Variants in ODAD2 observed in about 807,000 individuals in gnomAD.
The protein encoded by ODAD2 is outer dynein arm-docking complex subunit 2.
Under a neutral mutation model 106.8 loss-of-function variants are expected in ODAD2, and 89 were observed. That is an observed-to-expected ratio of 0.83 (90% CI 0.70 to 0.99). ODAD2 has a LOEUF of 0.99. Among genes scored for constraint, ODAD2 ranks in the 50% least tolerant of loss-of-function variants. The probability of loss-of-function intolerance (pLI) is 0.00; values close to 1 mark genes in which losing one functional copy is unlikely to be tolerated. For synonymous variants in ODAD2, 404 were observed against 436.2 expected, an observed-to-expected ratio of 0.93 and a Z score of 0.92; for missense variants, 1,168 against 1,238.5, an observed-to-expected ratio of 0.94 and a Z score of 0.85.
At chr10:27,954,766 G>A (rs73606018) in intron 10 of ODAD2, among the ~76,000 whole-genome samples, 2,874 of 152,254 alleles carry the variant, frequency 0.019, 97 homozygotes, top group African/African-American at 0.066. Context: ...TGGGAAAGAC[G>A]GAGAGGAGCC....
intron 10 of ODAD2, 25 bp downstream of exon 10, chr10:27,961,543 A>G: frequency 6.3e-7 from 1 of 1,583,602 alleles, no homozygotes; most frequent in South Asian, 1.2e-5. Context: ...AACATTGCAA[A>G]CATACTACCA....
chr10:27,907,873 G>A, intron 16 of ODAD2, 96 bp from the exon 17 acceptor site: 2 of 851,450 alleles, frequency 2.3e-6, no homozygotes, highest in African/African-American at 3.5e-5. Context: ...TTCTCCTTTT[G>A]ATATTTTGCT....
intron 10 of ODAD2, among the ~76,000 whole-genome samples, chr10:27,956,298 C>T (rs1847728671): frequency 1.3e-5 from 2 of 152,212 alleles, no homozygotes; most frequent in South Asian, 2.1e-4. Flanking sequence ...CATCCCTTTC[C>T]CCACTCTCCC....
In ODAD2 at chr10:27,875,580, C is replaced by T. The variant is rs546745666; in HGVS notation, c.2611-12958G>A. ...TTAGTTTTGGTGGTTCCAAGATGGC[C>T]GAATAGGAACAGCTCCAGTCTACAG... On this transcript the variant is annotated intron_variant, in intron 17 of 19. Coordinates refer to ENST00000305242, the MANE Select transcript of ODAD2 (RefSeq NM_018076.5). Among the ~76,000 whole-genome samples, 6 of 152,144 alleles carry T rather than the reference C, an allele frequency of 3.9e-5. No homozygotes were observed. The East Asian group carries it at 9.7e-4, about 25-fold the overall frequency.
chr10:27,958,962 G>A (rs1456673405), intron 10 of ODAD2: 2 of 1,303,560 alleles, frequency 1.5e-6, no homozygotes, highest in Non-Finnish European at 2.0e-6. Flanking sequence ...ATTTTGACTT[G>A]TTTCCTTTTG....
intron 10 of ODAD2, among the ~76,000 whole-genome samples, chr10:27,951,847 G>A (rs113819365): frequency 0.016 from 2,431 of 152,096 alleles, 48 homozygotes; most frequent in African/African-American, 0.047. Flanking sequence ...GGCCAAGGCA[G>A]GTGGATCATC....
chr10:27,936,551 C>A (rs978082653), intron 15 of ODAD2, among the ~76,000 whole-genome samples, 175 bp downstream of exon 15: 2 of 152,136 alleles, frequency 1.3e-5, no homozygotes, highest in African/African-American at 4.8e-5. Flanking sequence ...AGGTGGTGGG[C>A]AATTTCTATT....
At chr10:27,824,886 G>A (rs977599682) in intron 19 of ODAD2, among the ~76,000 whole-genome samples, 2 of 152,176 alleles carry the variant, frequency 1.3e-5, no homozygotes, top group South Asian at 4.1e-4. Context: ...AGTGGAACAA[G>A]CTGGATTTTA....
chr10:27,985,028 T>C lies in ODAD2; in HGVS notation c.566A>G (p.His189Arg). The C allele has an allele frequency of 1.2e-6, 2 of 1,606,080 alleles. No homozygotes were observed. Among genetic ancestry groups the C allele is most frequent in the Non-Finnish European group, 1.7e-6 (2 of 1,177,252 alleles). ...DLHLLNHSLK[H>R]ISLEISLSPM... ...TTTGAAAAAGACTCACAATGAAATA[T>C]GTTTTAGAGAATGATTGAGGAGGTG... Residue 189 changes from histidine (H) to arginine (R), a missense_variant, in exon 4 of 20, where the codon CAT becomes CGT. Physicochemically the swap from His to Arg is conservative, Grantham distance 29. Transcript: ENST00000305242.
chr10:27,832,489 C>T (rs988553290), intron 19 of ODAD2, among the ~76,000 whole-genome samples: 18 of 152,074 alleles, frequency 1.2e-4, no homozygotes, highest in African/African-American at 4.3e-4. Flanking sequence ...TCTAATTATC[C>T]ACAAGCTCAA....
intron 16 of ODAD2, among the ~76,000 whole-genome samples, chr10:27,919,240 A>G (rs1407738792): frequency 6.6e-6 from 1 of 152,052 alleles, no homozygotes; most frequent in Non-Finnish European, 1.5e-5. Context: ...TGGATACTGT[A>G]TGAAACAATT....
At chr10:27,933,388 A>C (rs891117149) in intron 16 of ODAD2, among the ~76,000 whole-genome samples, 1 of 152,238 alleles carries the variant, frequency 6.6e-6, no homozygotes, top group African/African-American at 2.4e-5. Context: ...CTTAGTATTA[A>C]AATGGATTTT....
chr10:27,847,907 C>A (rs549506375), intron 19 of ODAD2, among the ~76,000 whole-genome samples: 1 of 152,028 alleles, frequency 6.6e-6, no homozygotes, highest in African/African-American at 2.4e-5. Context: ...AACCACTGCT[C>A]AACAAAATAA....
intron 10 of ODAD2, among the ~76,000 whole-genome samples, chr10:27,948,779 ATTTTTT>A (rs11451204): frequency 2.0e-4 from 8 of 40,320 alleles, no homozygotes; most frequent in South Asian, 1.8e-3. Context: ...TGGCCTTTGG[ATTTTTT>A]TTTTTTTTTT....
intron 19 of ODAD2, among the ~76,000 whole-genome samples, chr10:27,819,889 C>T (rs1457229203): frequency 1.3e-5 from 2 of 151,810 alleles, no homozygotes. Context: ...GGTTGCTAGG[C>T]TTTTGTTTCT....
rs181123742 is a variant in ODAD2 at position 27,903,277 on chromosome 10, C to T, written c.2610+4386G>A. The stretch of plus-strand genomic sequence containing the variant: ...ATTCATGCTAAAAACTCTCAATAAA[C>T]TAATTATTGATGGAATGTATCTCAA... On this transcript the variant is annotated intron_variant, in intron 17 of 19. Transcript: ENST00000305242. Among the ~76,000 whole-genome samples, 457 of 152,230 alleles carry T rather than the reference C, an allele frequency of 3.0e-3. 6 individuals carry two copies. The highest frequency in any genetic ancestry group is 2.6e-3 in the Non-Finnish European group (179 of 68,020).
chr10:27,892,192 A>G (rs370059266), intron 17 of ODAD2, among the ~76,000 whole-genome samples: 3 of 152,218 alleles, frequency 2.0e-5, no homozygotes, highest in East Asian at 1.9e-4. Context: ...GTCGAATCTT[A>G]GGATCTCTGT....
chr10:27,975,020 C>G (rs149085339), intron 7 of ODAD2, among the ~76,000 whole-genome samples: 2,948 of 152,208 alleles, frequency 0.019, 63 homozygotes, highest in Middle Eastern at 0.041. Context: ...GGATTGCATT[C>G]CTGATTTGGC....
At chr10:27,848,950 A>G (rs940181476) in intron 19 of ODAD2, among the ~76,000 whole-genome samples, 3 of 152,184 alleles carry the variant, frequency 2.0e-5, no homozygotes, top group Non-Finnish European at 2.9e-5. Context: ...TTACACTGTT[A>G]GTGGGACTGT....
Sources: allele counts gnomAD v4.1 joint callset (sites outside exome capture counted in the v4.1 genomes callset), GRCh38; gene constraint gnomAD v4.1.1; transcripts MANE v1.5; gene names NCBI Gene and HGNC (gene_info 2026-07-23, HGNC 2026-07-21).